KIF14: variants seen among roughly 807,000 people sequenced by gnomAD.
KIF14 encodes the protein kinesin family member 14, also known as kinesin-like protein KIF14.
KIF14 carries 98 observed loss-of-function variants against 176.2 expected under a neutral mutation model. That is an observed-to-expected ratio of 0.56 (90% CI 0.47 to 0.66). The LOEUF (loss-of-function observed/expected upper bound fraction) is 0.66, where lower values mean the gene tolerates loss of function less well. Among genes scored for constraint, KIF14 ranks in the 30% least tolerant of loss-of-function variants. The probability of loss-of-function intolerance (pLI) is 0.00; values close to 1 mark genes in which losing one functional copy is unlikely to be tolerated. For missense variants in KIF14, 1,751 were observed against 1,920.4 expected, an observed-to-expected ratio of 0.91 and a Z score of 1.65; for synonymous variants, 566 against 632.2, an observed-to-expected ratio of 0.90 and a Z score of 1.57.
chr1:200,598,291 G>C lies in KIF14; in HGVS notation c.2495C>G (p.Pro832Arg). The stretch of plus-strand genomic sequence containing the variant: ...TAACTGAATATCATGGCTTGAGTTT[G>C]GTTTATACTTTCCAACTGTAGTTGT... ...EGTTTVGKYK[P>R]NSSHDIQLSG... The change falls in exon 14 of 30, where the codon CCA (proline) becomes CGA (arginine). Residue 832 changes from proline to arginine, a missense_variant. Coordinates refer to ENST00000367350, the MANE Select transcript of KIF14 (RefSeq NM_014875.3). 1.2e-6 allele frequency: 2 copies of C among 1,613,144 alleles called. No homozygotes were observed. Among genetic ancestry groups the C allele is most frequent in the Non-Finnish European group, 1.7e-6 (2 of 1,179,610 alleles).
chr1:200,583,748 C>A (rs1658585494), intron 19 of KIF14, among the ~76,000 whole-genome samples: 1 of 151,806 alleles, frequency 6.6e-6, no homozygotes, highest in African/African-American at 2.4e-5. Context: ...TTGATACCAG[C>A]CTGGCCAACA....
At chr1:200,575,764 T>G (rs564154537) in intron 21 of KIF14, 73 bp from the exon 22 acceptor site, 1 of 771,998 alleles carries the variant, frequency 1.3e-6, no homozygotes, top group Non-Finnish European at 2.0e-6. Context: ...AAAAAAAAGA[T>G]TAAATCCTTT....
chr1:200,561,707 A>G (rs570203653), intron 25 of KIF14, among the ~76,000 whole-genome samples: 2 of 152,318 alleles, frequency 1.3e-5, no homozygotes, highest in African/African-American at 4.8e-5. Context: ...AGTAAGATAT[A>G]GTCTCCACCC....
rs530757954 is a variant in KIF14 at position 200,589,930 on chromosome 1, G to A, written c.2961+195C>T. 9.2e-5 allele frequency among the ~76,000 whole-genome samples: 14 copies of A among 152,020 alleles called. No homozygotes were observed. The East Asian group carries it at 2.1e-3, about 23-fold the overall frequency. ...GGCCTCCTAAAGAGCTGGGATTACG[G>A]GCATGAGCCACCATGCTCAGCCCTG... is the stretch of plus-strand genomic sequence containing the variant. On this transcript the variant is annotated intron_variant, in intron 17 of 29. Transcript: ENST00000367350.
At chr1:200,614,446 T>C (rs763797024) in intron 3 of KIF14, 41 bp from the exon 4 acceptor site, 22 of 1,239,202 alleles carry the variant, frequency 1.8e-5, no homozygotes, top group Non-Finnish European at 2.5e-5. Context: ...TAAAACTAAT[T>C]CTTTCTTTAA....
intron 3 of KIF14, among the ~76,000 whole-genome samples, chr1:200,615,034 G>C (rs1660344722): frequency 6.6e-6 from 1 of 152,094 alleles, no homozygotes; most frequent in African/African-American, 2.4e-5. Context: ...ATCACATCTA[G>C]CTTAGATGCC....
In KIF14 at chr1:200,598,226, G is replaced by A. The variant is rs758932366; in HGVS notation, c.2549+11C>T. The A allele has an allele frequency of 3.7e-6, 6 of 1,603,990 alleles. No homozygotes were observed. Among genetic ancestry groups the A allele is most frequent in the Non-Finnish European group, 4.2e-6 (5 of 1,176,736 alleles). Reference sequence around the variant, plus strand: ...AGGTGCCTTTTCTTTTTTTTTAGAGGATTAACATACCAATGATCATCAGCA... The same window carrying A: ...AGGTGCCTTTTCTTTTTTTTTAGAGAATTAACATACCAATGATCATCAGCA... On this transcript the variant is annotated intron_variant, in intron 14 of 29. Transcript: ENST00000367350.
chr1:200,555,419 C>T lies in KIF14; in HGVS notation c.4389G>A (p.Leu1463=), dbSNP rs776346453. 1 of 1,579,848 alleles carries T rather than the reference C, an allele frequency of 6.3e-7. No individual in the cohort carries two copies. Among genetic ancestry groups the T allele is most frequent in the African/African-American group, 1.4e-5 (1 of 73,142 alleles). ...TKEMKTNAMG[L]IRSLENIFAE... ...CAAAGATGTTTTCAAGAGATCTAAT[C>T]AATCCCATGGCATTAGTTTTCATTT... is the stretch of plus-strand genomic sequence containing the variant. The change falls in exon 28 of 30, where the codon TTG becomes TTA. Residue 1463 remains leucine, a synonymous_variant. Transcript: ENST00000367350.
chr1:200,595,953 A>AAG (rs1659313315), intron 14 of KIF14, among the ~76,000 whole-genome samples: 1 of 147,948 alleles, frequency 6.8e-6, no homozygotes, highest in Admixed American at 6.8e-5. Context: ...AAAAAAAAAA[A>AAG]GATATAAAGA....
intron 12 of KIF14, 32 bp downstream of exon 12, chr1:200,600,324 A>G (rs745589141): frequency 1.3e-5 from 21 of 1,605,744 alleles, no homozygotes; most frequent in Non-Finnish European, 1.4e-5. Context: ...AGAGCAACAC[A>G]CTTAACATTT....
intron 4 of KIF14, among the ~76,000 whole-genome samples, chr1:200,612,329 C>A (rs1365031996): frequency 6.6e-6 from 1 of 152,214 alleles, no homozygotes; most frequent in Non-Finnish European, 1.5e-5. Flanking sequence ...ATTCATTACA[C>A]TATGTTATTC....
chr1:200,570,707 T>A (rs766049018), intron 22 of KIF14, among the ~76,000 whole-genome samples: 4 of 152,170 alleles, frequency 2.6e-5, no homozygotes, highest in Non-Finnish European at 5.9e-5. Flanking sequence ...GGGAAGGATT[T>A]TATCTTATTT....
At chr1:200,598,072 T>C (rs537750515) in intron 14 of KIF14, among the ~76,000 whole-genome samples, 165 bp downstream of exon 14, 27 of 152,296 alleles carry the variant, frequency 1.8e-4, no homozygotes, top group Non-Finnish European at 3.2e-4. Flanking sequence ...AACTGACCTA[T>C]CATCCTTATA....
At chr1:200,616,980 T>C (rs563021934) in intron 2 of KIF14, among the ~76,000 whole-genome samples, 4 of 151,814 alleles carry the variant, frequency 2.6e-5, no homozygotes, top group African/African-American at 7.3e-5. Context: ...ATGGCTCTTC[T>C]TTTTTTTGAG....
In KIF14 at chr1:200,606,753, G is replaced by A; in HGVS notation, c.1600C>T (p.Leu534=). The A allele has an allele frequency of 6.2e-7, 1 of 1,613,406 alleles. No individual in the cohort carries two copies. Among genetic ancestry groups the A allele is most frequent in the Non-Finnish European group, 8.5e-7 (1 of 1,179,618 alleles). ...GCTGAGCCAAATACTTACATTGACA[G>A]TGCTTCAACATATGGTCCATAAACA... is the stretch of plus-strand genomic sequence containing the variant. ...HPVYGPYVEA[L]SMNIVSSYAD... Residue 534 remains leucine, a synonymous_variant, in exon 6 of 30, where the codon CTG becomes TTG. Coordinates refer to ENST00000367350, the MANE Select transcript of KIF14 (RefSeq NM_014875.3).
In KIF14 at chr1:200,575,625, T is replaced by C. The variant is rs764459694; in HGVS notation, c.3532A>G (p.Thr1178Ala). Residue 1178 changes from threonine to alanine, a missense_variant, in exon 22 of 30, where the codon ACA becomes GCA. Transcript: ENST00000367350. ...GAAAGTGAAGAAACTGGTGCATCTG[T>C]AATGTCGGGTTCCCATTCATCTTCA... Reference protein sequence around the residue: ...DPEDEWEPDITDAPVSSLSRR... With the variant: ...DPEDEWEPDIADAPVSSLSRR... 3 of 1,588,752 alleles carry C rather than the reference T, an allele frequency of 1.9e-6. No individual in the cohort carries two copies. Among genetic ancestry groups the C allele is most frequent in the Middle Eastern group, 1.7e-4 (1 of 5,950 alleles).
At chr1:200,586,455 TTTA>T (rs1462199023) in intron 18 of KIF14, among the ~76,000 whole-genome samples, 1 of 152,144 alleles carries the variant, frequency 6.6e-6, no homozygotes, top group East Asian at 1.9e-4. Flanking sequence ...TACAGTACGT[TTTA>T]TTAAGCCTAT....
At chr1:200,573,108 G>A (rs139450672) in intron 22 of KIF14, among the ~76,000 whole-genome samples, 5 of 152,072 alleles carry the variant, frequency 3.3e-5, no homozygotes, top group Non-Finnish European at 4.4e-5. Context: ...TCTAATCCTC[G>A]TAACAACTCT....
intron 14 of KIF14, among the ~76,000 whole-genome samples, chr1:200,595,462 C>T (rs186966547): frequency 6.6e-5 from 10 of 152,144 alleles, no homozygotes; most frequent in East Asian, 1.9e-4. Flanking sequence ...GAGGAAGGTA[C>T]GAAAAATGGA....
Sources: gnomAD v4.1 joint callset for allele counts (sites outside exome capture counted in the v4.1 genomes callset) on GRCh38, gnomAD v4.1.1 for gene constraint, MANE v1.5 for transcripts, NCBI Gene and HGNC (gene_info 2026-07-23, HGNC 2026-07-21) for gene names.